Variants in NOXRED1 observed in about 807,000 individuals in gnomAD.
NOXRED1 encodes NADP dependent oxidoreductase domain containing 1.
A neutral mutation model predicts 30.4 loss-of-function variants in NOXRED1; 20 were observed. That is an observed-to-expected ratio of 0.66 (90% confidence interval 0.46 to 0.96). NOXRED1 has a LOEUF of 0.96. NOXRED1 is among the 40% of genes least tolerant of loss of function. The pLI, the probability that NOXRED1 is intolerant of heterozygous loss-of-function variation, is 0.00. For missense variants in NOXRED1, 374 were observed against 428.0 expected, an observed-to-expected ratio of 0.87 and a Z score of 1.11; for synonymous variants, 155 against 168.0, an observed-to-expected ratio of 0.92 and a Z score of 0.60.
At chr14:77,415,430 C>T (rs1162774938) in intron 1 of NOXRED1, among the ~76,000 whole-genome samples, 1 of 151,976 alleles carries the variant, frequency 6.6e-6, no homozygotes. Context: ...ATTAGCCCAG[C>T]ATGATGGTGT....
chr14:77,414,112 C>T lies in NOXRED1; in HGVS notation c.171G>A (p.Lys57=). 1 of 1,593,158 alleles carries T rather than the reference C, an allele frequency of 6.3e-7. No individual in the cohort carries two copies. The change falls in exon 2 of 6, where the codon AAG becomes AAA. Residue 57 remains lysine, a synonymous_variant. Transcript: ENST00000380835. ...TTGAGAGATGTCTGGAACTTTGATT[C>T]TTATTTAATGATGCTCTGGAGAATG... The part of the protein sequence containing the change: ...LLYNLRASLN[K]NQSSRHLSIG...
intron 1 of NOXRED1, among the ~76,000 whole-genome samples, chr14:77,422,374 G>A (rs1021720610): frequency 1.3e-5 from 2 of 152,178 alleles, no homozygotes; most frequent in African/African-American, 4.8e-5. Flanking sequence ...CCAAAAGAAA[G>A]AACTGATTCC....
rs921511153 is a variant in NOXRED1 at position 77,394,457 on chromosome 14, C to G, written c.*174G>C. On this transcript the variant is annotated 3_prime_UTR_variant, in exon 6 of 6. Transcript: ENST00000380835. ...AGATACATATTGATGGATAGGACCA[C>G]TTGTTTTATTCTACATTTTAAAGAG... is the stretch of plus-strand genomic sequence containing the variant. 4 of 452,044 alleles carry G rather than the reference C, an allele frequency of 8.8e-6. No homozygotes were observed. Among genetic ancestry groups the G allele is most frequent in the African/African-American group, 8.0e-5 (4 of 50,254 alleles). The allele number at this position is 452,044 out of a possible 1,614,324, so 28.0% of individuals were successfully genotyped here.
chr14:77,403,481 T>C (rs1030336748), intron 5 of NOXRED1, among the ~76,000 whole-genome samples: 1 of 151,854 alleles, frequency 6.6e-6, no homozygotes, highest in Non-Finnish European at 1.5e-5. Context: ...TATTGCTTGA[T>C]AGACTTATCA....
intron 1 of NOXRED1, among the ~76,000 whole-genome samples, chr14:77,416,233 G>T (rs905895448): frequency 6.6e-6 from 1 of 152,096 alleles, no homozygotes; most frequent in African/African-American, 2.4e-5. Context: ...TTTTGATAAG[G>T]ATTGCAGTGC....
At chr14:77,410,235 C>G (rs1336010856) in intron 2 of NOXRED1, among the ~76,000 whole-genome samples, 1 of 151,988 alleles carries the variant, frequency 6.6e-6, no homozygotes, top group African/African-American at 2.4e-5. Flanking sequence ...CAGTTTAAGA[C>G]TAGCCTCGGC....
At chr14:77,402,489 C>A (rs1001404559) in intron 5 of NOXRED1, among the ~76,000 whole-genome samples, 1 of 152,036 alleles carries the variant, frequency 6.6e-6, no homozygotes, top group African/African-American at 2.4e-5. Context: ...CAAAAATTAG[C>A]CAGGCATGGT....
At chr14:77,418,023 C>T (rs1894877677) in intron 1 of NOXRED1, among the ~76,000 whole-genome samples, 1 of 152,030 alleles carries the variant, frequency 6.6e-6, no homozygotes, top group African/African-American at 2.4e-5. Context: ...CAATCATATA[C>T]AAAAACTCTA....
intron 1 of NOXRED1, among the ~76,000 whole-genome samples, chr14:77,416,738 G>A (rs1454588891): frequency 6.6e-6 from 1 of 152,112 alleles, no homozygotes; most frequent in African/African-American, 2.4e-5. Context: ...AGACGGGGTG[G>A]TGGCTGGGCA....
At chr14:77,417,889 G>A (rs1028296889) in intron 1 of NOXRED1, among the ~76,000 whole-genome samples, 3 of 124,964 alleles carry the variant, frequency 2.4e-5, no homozygotes, top group Admixed American at 8.9e-5. Flanking sequence ...GTATTTCACT[G>A]ATTTTTTTTT....
chr14:77,422,988 T>C lies in NOXRED1; in HGVS notation c.-99A>G. On this transcript the variant is annotated 5_prime_UTR_variant, in exon 1 of 6. Coordinates refer to ENST00000380835, the MANE Select transcript of NOXRED1 (RefSeq NM_001113475.3). ...TGTAGGAGGTGTGTGTATGATGGTG[T>C]GTGTGCCCAGGTCACAAGCACTCAT... The C allele has an allele frequency of 1.0e-6, 1 of 974,240 alleles. No homozygotes were observed. Among genetic ancestry groups the C allele is most frequent in the Non-Finnish European group, 1.6e-6 (1 of 641,690 alleles). The allele number at this position is 974,240 out of a possible 1,614,324, so 60.3% of individuals were successfully genotyped here. A position where few individuals can be genotyped will look rare whatever the true frequency, so the allele number is the denominator to read the frequency against.
chr14:77,415,883 T>G (rs1254295877), intron 1 of NOXRED1, among the ~76,000 whole-genome samples: 1 of 151,956 alleles, frequency 6.6e-6, no homozygotes, highest in Admixed American at 6.6e-5. Context: ...GCCCAGCTAA[T>G]TTTTGTATTT....
intron 5 of NOXRED1, among the ~76,000 whole-genome samples, chr14:77,399,825 A>C (rs975748703): frequency 6.6e-6 from 1 of 152,164 alleles, no homozygotes; most frequent in Non-Finnish European, 1.5e-5. Flanking sequence ...ATGACTGAGA[A>C]TTTCCCCCAA....
chr14:77,407,186 G>A (rs967989825), intron 3 of NOXRED1, among the ~76,000 whole-genome samples: 14 of 152,222 alleles, frequency 9.2e-5, no homozygotes, highest in African/African-American at 2.9e-4. Flanking sequence ...TGCACAAGGA[G>A]AATACTTCAG....
chr14:77,407,851 T>G (rs1377839138), intron 2 of NOXRED1, among the ~76,000 whole-genome samples: 1 of 149,520 alleles, frequency 6.7e-6, no homozygotes, highest in East Asian at 2.0e-4. Flanking sequence ...CAGTAGTACT[T>G]GAAATTATAA....
At chr14:77,419,651 T>C (rs906741665) in intron 1 of NOXRED1, among the ~76,000 whole-genome samples, 1 of 151,668 alleles carries the variant, frequency 6.6e-6, no homozygotes, top group African/African-American at 2.4e-5. Flanking sequence ...TTTTTCACCA[T>C]GTTAGCCAGG....
chr14:77,413,724 G>T (rs558826945), intron 2 of NOXRED1, among the ~76,000 whole-genome samples: 1 of 152,098 alleles, frequency 6.6e-6, no homozygotes, highest in Non-Finnish European at 1.5e-5. Context: ...ACAGGGAGGA[G>T]ACATGGATAT....
Position 77,416,746 on chromosome 14 carries a change from G to A in NOXRED1, c.156-2619C>T, listed in dbSNP as rs540129906. On this transcript the variant is annotated intron_variant, in intron 1 of 5. Coordinates refer to ENST00000380835, the MANE Select transcript of NOXRED1 (RefSeq NM_001113475.3). ...ACCTCCCAGACGGGGTGGTGGCTGG[G>A]CAGAGGGGCTCCTCACTTCCCAGTA... Among the ~76,000 whole-genome samples, 86 of 152,350 alleles carry A rather than the reference G, an allele frequency of 5.6e-4. 1 individual carries two copies. Among genetic ancestry groups the A allele is most frequent in the African/African-American group, 1.8e-3 (74 of 41,580 alleles).
At chr14:77,409,127 T>TA (rs2139681217) in intron 2 of NOXRED1, among the ~76,000 whole-genome samples, 1 of 152,226 alleles carries the variant, frequency 6.6e-6, no homozygotes, top group East Asian at 1.9e-4. Flanking sequence ...AGTGACTTCT[T>TA]ATGTTAACCA....
Sources: allele counts gnomAD v4.1 joint callset (sites outside exome capture counted in the v4.1 genomes callset), GRCh38; gene constraint gnomAD v4.1.1; transcripts MANE v1.5; gene names NCBI Gene and HGNC (gene_info 2026-07-23, HGNC 2026-07-21).